DACH1: variants seen among roughly 807,000 people sequenced by gnomAD.
The protein encoded by DACH1 is dachshund homolog 1.
DACH1 carries 12 observed loss-of-function variants against 54.2 expected under a neutral mutation model. The ratio of observed to expected loss-of-function variants is 0.22; its 90% confidence interval spans 0.14 to 0.36. The LOEUF (loss-of-function observed/expected upper bound fraction) is 0.36, where lower values mean the gene tolerates loss of function less well. Among genes scored for constraint, DACH1 ranks in the 10% least tolerant of loss-of-function variants. The pLI is 1.00. For missense variants in DACH1, 805 were observed against 929.8 expected (o/e 0.87, Z 1.75); for synonymous variants, 386 against 366.2 (o/e 1.05, Z -0.62).
intron 1 of DACH1, among the ~76,000 whole-genome samples, chr13:71,802,549 T>G (rs1037536380): frequency 1.3e-5 from 2 of 151,964 alleles, no homozygotes; most frequent in African/African-American, 4.8e-5. Flanking sequence ...ATGTGGCAAG[T>G]ATGTGTAAAT....
At chr13:71,854,313 C>CAA (rs113440183) in intron 1 of DACH1, among the ~76,000 whole-genome samples, 173 of 145,720 alleles carry the variant, frequency 1.2e-3, no homozygotes, top group African/African-American at 4.1e-3. Flanking sequence ...ACTAGAGTTT[C>CAA]AAAAAAAAAA....
intron 10 of DACH1, among the ~76,000 whole-genome samples, chr13:71,453,058 C>T (rs1046573209): frequency 1.3e-5 from 2 of 152,066 alleles, no homozygotes; most frequent in Non-Finnish European, 1.5e-5. Flanking sequence ...ATTAAATATT[C>T]ATTAGTAAGA....
At chr13:71,569,134 T>C (rs1885054529) in intron 4 of DACH1, among the ~76,000 whole-genome samples, 1 of 152,132 alleles carries the variant, frequency 6.6e-6, no homozygotes, top group African/African-American at 2.4e-5. Flanking sequence ...TTTTCCTCAG[T>C]GCATTTAATT....
intron 1 of DACH1, among the ~76,000 whole-genome samples, chr13:71,860,221 T>TACACACAC (rs141566720): frequency 6.7e-6 from 1 of 148,852 alleles, no homozygotes; most frequent in Non-Finnish European, 1.5e-5. Flanking sequence ...CATACGTATG[T>TACACACAC]ACACACACAC....
At chr13:71,483,318 G>A (rs1052537981) in intron 7 of DACH1, among the ~76,000 whole-genome samples, 2 of 148,142 alleles carry the variant, frequency 1.4e-5, no homozygotes, top group African/African-American at 4.9e-5. Flanking sequence ...TTTTGTTGGG[G>A]TTTATGCAAA....
At chr13:71,758,931 C>CG (rs1885284112) in intron 1 of DACH1, among the ~76,000 whole-genome samples, 1 of 145,750 alleles carries the variant, frequency 6.9e-6, no homozygotes, top group Non-Finnish European at 1.5e-5. Context: ...CAGTCTTTGT[C>CG]TTTTTTTTTT....
intron 1 of DACH1, among the ~76,000 whole-genome samples, chr13:71,774,669 A>G (rs935810907): frequency 2.0e-5 from 3 of 152,174 alleles, no homozygotes; most frequent in Admixed American, 1.3e-4. Flanking sequence ...TGGGTTAATC[A>G]GACTCCAAAG....
chr13:71,754,643 A>AG (rs950915315), intron 1 of DACH1, among the ~76,000 whole-genome samples: 33 of 152,220 alleles, frequency 2.2e-4, no homozygotes, highest in African/African-American at 7.9e-4. Context: ...GTAATACCCC[A>AG]GGGTGTCTCA....
At chr13:71,477,311 C>G (rs1270963799) in intron 8 of DACH1, among the ~76,000 whole-genome samples, 1 of 150,742 alleles carries the variant, frequency 6.6e-6, no homozygotes, top group Non-Finnish European at 1.5e-5. Flanking sequence ...TTAGTAGAGG[C>G]GCGGTTTCAC....
intron 1 of DACH1, among the ~76,000 whole-genome samples, chr13:71,857,777 TA>T (rs1874100294): frequency 6.6e-6 from 1 of 151,716 alleles, no homozygotes; most frequent in African/African-American, 2.4e-5. Context: ...TCATTTTGAA[TA>T]ATCAAATTAA....
intron 1 of DACH1, among the ~76,000 whole-genome samples, chr13:71,759,941 T>G (rs1885331452): frequency 6.6e-6 from 1 of 152,214 alleles, no homozygotes; most frequent in Admixed American, 6.5e-5. Context: ...TGTAAGCCTT[T>G]TCTTAAAGCG....
intron 1 of DACH1, among the ~76,000 whole-genome samples, chr13:71,697,390 C>G (rs1881887349): frequency 6.6e-6 from 1 of 152,146 alleles, no homozygotes; most frequent in African/African-American, 2.4e-5. Flanking sequence ...ATGGCGCCAA[C>G]TTGATAATGA....
Position 71,866,908 on chromosome 13 carries a change from A to C in DACH1, c.-139T>G. The C allele has an allele frequency of 1.7e-6, 1 of 601,074 alleles. No individual in the cohort carries two copies. The highest frequency in any genetic ancestry group is 2.4e-6 in the Non-Finnish European group (1 of 417,174). 37.2% of individuals were successfully genotyped at this position (601,074 alleles called of 1,614,324 possible). On this transcript the variant is annotated 5_prime_UTR_variant, in exon 1 of 11. Coordinates refer to ENST00000613252, the MANE Select transcript of DACH1 (RefSeq NM_080759.6). ...CTCCGGGAGAGAACGAGAAGGAGAA[A>C]GGGAGAGAAGGGGGAGAAAAGGAGG...
intron 4 of DACH1, among the ~76,000 whole-genome samples, chr13:71,560,369 C>T (rs1328256569): frequency 1.3e-5 from 2 of 152,126 alleles, no homozygotes; most frequent in Admixed American, 6.5e-5. Flanking sequence ...GTAATAAACA[C>T]ATTATCAACA....
At chr13:71,603,005 T>G (rs1874617519) in intron 3 of DACH1, among the ~76,000 whole-genome samples, 1 of 151,978 alleles carries the variant, frequency 6.6e-6, no homozygotes, top group African/African-American at 2.4e-5. Context: ...TTACGTTGCT[T>G]TCTTTTTATT....
In DACH1 at chr13:71,546,537, T is replaced by A. The variant is rs1883478196; in HGVS notation, c.1570+10487A>T. ...AAGCAAAAGCAGTTGTTTTTAAGAATTTAGAAACATATTGAGCATTCATTC... is the reference window on the plus strand; with the variant it reads ...AAGCAAAAGCAGTTGTTTTTAAGAAATTAGAAACATATTGAGCATTCATTC... On this transcript the variant is annotated intron_variant, in intron 6 of 10. Coordinates refer to ENST00000613252, the MANE Select transcript of DACH1 (RefSeq NM_080759.6). Among the ~76,000 whole-genome samples, 5 of 152,102 alleles carry A rather than the reference T, an allele frequency of 3.3e-5. No individual in the cohort carries two copies. In the South Asian group the frequency reaches 1.0e-3, roughly 32 times the overall value.
intron 10 of DACH1, among the ~76,000 whole-genome samples, chr13:71,445,200 A>C (rs1199955535): frequency 6.6e-6 from 1 of 152,162 alleles, no homozygotes; most frequent in Admixed American, 6.5e-5. Context: ...TGAAGAAAGA[A>C]ATTCATTAAT....
rs1470737053 is a variant in DACH1 at position 71,866,830 on chromosome 13, C to A, written c.-61G>T. On this transcript the variant is annotated 5_prime_UTR_variant, in exon 1 of 11. Coordinates refer to ENST00000613252, the MANE Select transcript of DACH1 (RefSeq NM_080759.6). ...GAGAGGAAAAGTTGCCACACACCCC[C>A]GGGAGGGGAAGGGGAAAAAAGGGGG... 4.1e-5 allele frequency: 52 copies of A among 1,261,100 alleles called. No individual in the cohort carries two copies. Among genetic ancestry groups the A allele is most frequent in the Non-Finnish European group, 5.0e-5 (50 of 998,284 alleles). 78.1% of individuals were successfully genotyped at this position (1,261,100 alleles called of 1,614,324 possible).
chr13:71,566,179 ACTATGAGC>A (rs1349812113), intron 4 of DACH1, among the ~76,000 whole-genome samples: 2 of 152,138 alleles, frequency 1.3e-5, no homozygotes, highest in Non-Finnish European at 2.9e-5. Flanking sequence ...CACCACCACC[ACTATGAGC>A]CTCTCATCTG....
Sources: allele counts gnomAD v4.1 joint callset (sites outside exome capture counted in the v4.1 genomes callset), GRCh38; gene constraint gnomAD v4.1.1; transcripts MANE v1.5; gene names NCBI Gene and HGNC (gene_info 2026-07-23, HGNC 2026-07-21).